ACSM6: variants seen among roughly 807,000 people sequenced by gnomAD.
ACSM6 encodes acyl-CoA synthetase medium chain family member 6.
ACSM6 carries 35 observed loss-of-function variants against 51.1 expected under a neutral mutation model. The ratio of observed to expected loss-of-function variants is 0.69; its 90% CI spans 0.52 to 0.91. The LOEUF is 0.91. ACSM6 is among the 40% of genes least tolerant of loss of function. The pLI is 0.00. For missense variants in ACSM6, 509 were observed against 584.1 expected, an observed-to-expected ratio of 0.87 and a Z score of 1.32; for synonymous variants, 172 against 207.3, an observed-to-expected ratio of 0.83 and a Z score of 1.46.
intron 10 of ACSM6, chr10:95,226,484 G>T (rs914547989): frequency 6.6e-6 from 1 of 152,174 alleles, no homozygotes; most frequent in African/African-American, 2.4e-5. Context: ...GAGGTGGGAG[G>T]ATAAACTGAG....
At chr10:95,207,210 A>C in exon 4 of ACSM6, 1 of 1,614,014 alleles carries the variant, frequency 6.2e-7, no homozygotes, top group Non-Finnish European at 8.5e-7. Flanking sequence ...TTTTTCAGGA[A>C]TCACCTTTGT....
intron 8 of ACSM6, among the ~76,000 whole-genome samples, chr10:95,215,641 G>A (rs1471916861): frequency 6.6e-6 from 1 of 152,236 alleles, no homozygotes; most frequent in African/African-American, 2.4e-5. Context: ...GTGGTGAGAA[G>A]ACAAGGCACT....
intron 3 of ACSM6, among the ~76,000 whole-genome samples, chr10:95,206,242 A>G (rs2034837328): frequency 6.6e-6 from 1 of 152,254 alleles, no homozygotes; most frequent in African/African-American, 2.4e-5. Context: ...TCTTACAAAT[A>G]GAATGCAACA....
chr10:95,219,765 G>A, intron 8 of ACSM6, 126 bp from the exon 9 acceptor site: 1 of 650,166 alleles, frequency 1.5e-6, no homozygotes, highest in Non-Finnish European at 2.6e-6. Context: ...TTTTAATCAA[G>A]ATTACTTGTT....
At chr10:95,221,332 A>G (rs545921289) in intron 9 of ACSM6, among the ~76,000 whole-genome samples, 1 of 152,324 alleles carries the variant, frequency 6.6e-6, no homozygotes, top group South Asian at 2.1e-4. Context: ...CATGCCTGAA[A>G]TCCCAGCACT....
intron 3 of ACSM6, among the ~76,000 whole-genome samples, chr10:95,203,429 C>G (rs1027439845): frequency 1.3e-5 from 2 of 152,166 alleles, no homozygotes; most frequent in African/African-American, 4.8e-5. Flanking sequence ...TTGCCTCAGT[C>G]TGTGGAAAAA....
intron 10 of ACSM6, among the ~76,000 whole-genome samples, chr10:95,227,158 T>C (rs1469280548): frequency 6.6e-6 from 1 of 152,148 alleles, no homozygotes; most frequent in African/African-American, 2.4e-5. Context: ...AGCTAATTTT[T>C]GTATTTTTAG....
intron 9 of ACSM6, among the ~76,000 whole-genome samples, chr10:95,222,247 CAA>C (rs2133392594): frequency 6.6e-6 from 1 of 151,970 alleles, no homozygotes; most frequent in East Asian, 1.9e-4. Flanking sequence ...ACAAATTTAA[CAA>C]AGTTTCAGGA....
intron 2 of ACSM6, chr10:95,201,361 T>C (rs1353363602): frequency 4.8e-6 from 2 of 415,370 alleles, no homozygotes; most frequent in Non-Finnish European, 9.7e-6. Context: ...TTTATGTCCA[T>C]ATGTACCCAC....
chr10:95,215,809 G>T (rs1024693378), intron 8 of ACSM6, among the ~76,000 whole-genome samples: 8 of 152,162 alleles, frequency 5.3e-5, no homozygotes, highest in Non-Finnish European at 1.0e-4. Context: ...CAGAAAGGCC[G>T]GGTTTTAGGA....
At chr10:95,197,804 T>C (rs61871156) in intron 2 of ACSM6, among the ~76,000 whole-genome samples, 5 of 151,694 alleles carry the variant, frequency 3.3e-5, no homozygotes, top group African/African-American at 4.9e-5. Context: ...AGTCAGGTCT[T>C]TCTCATCCCA....
intron 4 of ACSM6, 64 bp from the exon 5 acceptor site, chr10:95,210,586 G>A: frequency 1.3e-6 from 2 of 1,523,688 alleles, no homozygotes; most frequent in Admixed American, 2.0e-5. Context: ...CAAACCCAGG[G>A]CCTAGGCACT....
chr10:95,200,389 C>G (rs1396907098), intron 2 of ACSM6, among the ~76,000 whole-genome samples: 2 of 151,414 alleles, frequency 1.3e-5, no homozygotes, highest in Admixed American at 6.6e-5. Context: ...GGTGATATAC[C>G]TAATGCTGAA....
At chr10:95,208,754 T>C (rs185146094) in intron 4 of ACSM6, among the ~76,000 whole-genome samples, 21 of 152,122 alleles carry the variant, frequency 1.4e-4, no homozygotes, top group African/African-American at 4.1e-4. Flanking sequence ...AACTGCATCA[T>C]AGGTATGCAT....
At chr10:95,194,603 T>G in exon 2 of ACSM6, 2 of 1,551,932 alleles carry the variant, frequency 1.3e-6, no homozygotes, top group Non-Finnish European at 1.7e-6. Context: ...TGACTCCAGG[T>G]GCCTAGTCCA....
intron 2 of ACSM6, among the ~76,000 whole-genome samples, chr10:95,198,693 A>C (rs667499): frequency 0.52 from 78,474 of 151,514 alleles, 21,229 homozygotes; most frequent in Middle Eastern, 0.66. Context: ...AAATAAAATT[A>C]TCTCTGACGG....
chr10:95,209,926 G>A (rs1471762529), intron 4 of ACSM6, among the ~76,000 whole-genome samples: 1 of 152,080 alleles, frequency 6.6e-6, no homozygotes, highest in Non-Finnish European at 1.5e-5. Flanking sequence ...GGGCTGACAG[G>A]TAAGGTGAGT....
rs972776605 is a variant in ACSM6 at position 95,210,502 on chromosome 10, G to A, written c.612-148G>A. ...GCAAAAAAAATTTAAGGGAAAAATG[G>A]CAGCTGCCCCTCTAACAAATAATCC... is the stretch of plus-strand genomic sequence containing the variant. On this transcript the variant is annotated intron_variant, in intron 4 of 10. Coordinates refer to ENST00000341686, the Ensembl canonical transcript of ACSM6. 8.6e-6 allele frequency: 7 copies of A among 813,960 alleles called. No individual in the cohort carries two copies. The African/African-American group carries it at 1.2e-4, about 14-fold the overall frequency. 50.4% of individuals were successfully genotyped at this position (813,960 alleles called of 1,614,324 possible).
At chr10:95,220,371 C>G (rs146577934) in intron 9 of ACSM6, among the ~76,000 whole-genome samples, 10 of 152,126 alleles carry the variant, frequency 6.6e-5, no homozygotes, top group Non-Finnish European at 1.5e-4. Context: ...GTCAGCTGCT[C>G]GGGTGTCGAT....
Sources: allele counts gnomAD v4.1 joint callset (sites outside exome capture counted in the v4.1 genomes callset), GRCh38; gene constraint gnomAD v4.1.1; transcripts MANE v1.5; gene names NCBI Gene and HGNC (gene_info 2026-07-23, HGNC 2026-07-21).